Variants in LINGO2 observed in about 807,000 individuals in gnomAD.
LINGO2 encodes the protein leucine rich repeat and Ig domain containing 2, also known as leucine-rich repeat and immunoglobulin-like domain-containing nogo receptor-interacting protein 2.
A neutral mutation model predicts 30.6 loss-of-function variants in LINGO2; 14 were observed. That is an observed-to-expected ratio of 0.46 (90% confidence interval 0.30 to 0.72). The LOEUF (loss-of-function observed/expected upper bound fraction) is 0.72. LINGO2 is among the 30% of genes least tolerant of loss of function. LINGO2 has a pLI of 0.07. For synonymous variants in LINGO2, 317 were observed against 288.5 expected (o/e 1.10, Z -1.00); for missense variants, 729 against 751.7 (o/e 0.97, Z 0.35).
At chr9:28,226,377 T>C (rs1162069660) in intron 4 of LINGO2, among the ~76,000 whole-genome samples, 1 of 152,032 alleles carries the variant, frequency 6.6e-6, no homozygotes, top group African/African-American at 2.4e-5. Context: ...AGAGTAGAAA[T>C]GTCTTCCCAG....
chr9:28,735,896 A>G, the LINGO2 span, among the ~76,000 whole-genome samples: 1 of 152,210 alleles, frequency 6.6e-6, no homozygotes, highest in African/African-American at 2.4e-5. Flanking sequence ...TAAGGAGTGT[A>G]AGACTTACTG....
At chr9:28,385,098 G>C (rs928466697) in intron 2 of LINGO2, among the ~76,000 whole-genome samples, 5 of 152,136 alleles carry the variant, frequency 3.3e-5, no homozygotes, top group Non-Finnish European at 5.9e-5. Flanking sequence ...CACAAGAAAG[G>C]TGTAGCTCTA....
At chr9:28,111,409 T>C (rs779136989) in intron 4 of LINGO2, among the ~76,000 whole-genome samples, 15 of 150,806 alleles carry the variant, frequency 9.9e-5, no homozygotes, top group Non-Finnish European at 5.9e-5. Context: ...AAAATAAAAA[T>C]TAAAAAAAAA....
intron 4 of LINGO2, among the ~76,000 whole-genome samples, chr9:28,169,652 T>C (rs759515440): frequency 1.6e-4 from 24 of 152,148 alleles, no homozygotes; most frequent in Admixed American, 7.9e-4. Context: ...ATTTATTGAA[T>C]GGACACGAGA....
the LINGO2 span, among the ~76,000 whole-genome samples, chr9:29,120,696 C>A: frequency 1.2e-3 from 177 of 152,248 alleles, no homozygotes; most frequent in African/African-American, 4.1e-3. Flanking sequence ...TTCAAATCTG[C>A]ACTTCTAAGA....
chr9:28,374,474 C>G (rs1429285955), intron 2 of LINGO2, among the ~76,000 whole-genome samples: 3 of 151,782 alleles, frequency 2.0e-5, no homozygotes, highest in Non-Finnish European at 4.4e-5. Flanking sequence ...AAAGCAAAAA[C>G]CAAACAAAAC....
chr9:28,386,081 C>T (rs1233192411), intron 2 of LINGO2, among the ~76,000 whole-genome samples: 1 of 152,152 alleles, frequency 6.6e-6, no homozygotes, highest in Non-Finnish European at 1.5e-5. Flanking sequence ...TTGCACATAA[C>T]ACAACATCGA....
chr9:28,689,727 A>G, the LINGO2 span, among the ~76,000 whole-genome samples: 6 of 152,158 alleles, frequency 3.9e-5, 1 homozygote, highest in Non-Finnish European at 4.4e-5. Flanking sequence ...AGGTAATATA[A>G]ATCATTCTAT....
At chr9:28,891,074 G>A in the LINGO2 span, among the ~76,000 whole-genome samples, 2 of 152,116 alleles carry the variant, frequency 1.3e-5, no homozygotes, top group Non-Finnish European at 2.9e-5. Flanking sequence ...TGTGGCAAAT[G>A]CATATCACAG....
the LINGO2 span, among the ~76,000 whole-genome samples, chr9:28,801,175 A>G: frequency 6.6e-6 from 1 of 152,064 alleles, no homozygotes; most frequent in Non-Finnish European, 1.5e-5. Context: ...GGTTCCTGTC[A>G]TAGTAATTAG....
At chr9:28,379,965 G>T (rs7031706) in intron 2 of LINGO2, among the ~76,000 whole-genome samples, 145,540 of 152,154 alleles carry the variant, frequency 0.96, 69,783 homozygotes, top group Non-Finnish European at 0.99. Context: ...ACTAAAAACT[G>T]TCTCAAGATG....
chr9:28,177,878 A>G (rs1342610489), intron 4 of LINGO2, among the ~76,000 whole-genome samples: 1 of 152,192 alleles, frequency 6.6e-6, no homozygotes, highest in East Asian at 1.9e-4. Context: ...ATTACCTGTT[A>G]AAAGTGACGC....
At chr9:28,532,228 A>C (rs80092717) in intron 1 of LINGO2, among the ~76,000 whole-genome samples, 1 of 152,178 alleles carries the variant, frequency 6.6e-6, no homozygotes, top group East Asian at 1.9e-4. Flanking sequence ...GGGCTGAGAA[A>C]AAGCAAGTTG....
At chr9:28,265,196 C>T (rs1564083145) in intron 4 of LINGO2, among the ~76,000 whole-genome samples, 1 of 151,804 alleles carries the variant, frequency 6.6e-6, no homozygotes, top group Non-Finnish European at 1.5e-5. Flanking sequence ...CACGCACACA[C>T]TCATATATCT....
the LINGO2 span, among the ~76,000 whole-genome samples, chr9:29,199,524 G>C: frequency 2.0e-5 from 3 of 152,070 alleles, no homozygotes; most frequent in Non-Finnish European, 2.9e-5. Context: ...AGAAGAGTCA[G>C]AGGCAGCATC....
At chr9:28,351,184 C>T (rs1455552504) in intron 3 of LINGO2, among the ~76,000 whole-genome samples, 3 of 150,274 alleles carry the variant, frequency 2.0e-5, no homozygotes, top group Non-Finnish European at 4.4e-5. Flanking sequence ...ACACAAAAAA[C>T]CCTTCAAAAA....
rs930494527 is a variant in LINGO2, at chr9:28,445,310, C to A, written c.-279+30630G>T. ...ATAGTTGCCATGTTCCTCACATTGT[C>A]CCAAAGGGCTGGAGATACATGGTCC... On this transcript the variant is annotated intron_variant, in intron 2 of 5. Coordinates refer to ENST00000379992, the Ensembl canonical transcript of LINGO2. 6.6e-5 allele frequency among the ~76,000 whole-genome samples: 10 copies of A among 152,240 alleles called. No individual in the cohort carries two copies. The South Asian group carries it at 1.9e-3, about 28-fold the overall frequency.
the LINGO2 span, among the ~76,000 whole-genome samples, chr9:28,960,381 T>C: frequency 6.6e-6 from 1 of 151,718 alleles, no homozygotes; most frequent in Non-Finnish European, 1.5e-5. Context: ...GCACCTGCAG[T>C]TCCAGCTACT....
At chr9:28,744,159 G>A in the LINGO2 span, among the ~76,000 whole-genome samples, 3 of 149,228 alleles carry the variant, frequency 2.0e-5, 1 homozygote, top group African/African-American at 7.4e-5. Context: ...TTTCTATTTG[G>A]TTCTTTTTAA....
Sources: gnomAD v4.1 joint callset for allele counts (sites outside exome capture counted in the v4.1 genomes callset) on GRCh38, gnomAD v4.1.1 for gene constraint, MANE v1.5 for transcripts, NCBI Gene and HGNC (gene_info 2026-07-23, HGNC 2026-07-21) for gene names.